PRKDC: variants seen among roughly 807,000 people sequenced by gnomAD.
PRKDC encodes protein kinase, DNA-activated, catalytic subunit, also known as DNA-dependent protein kinase catalytic subunit.
A neutral mutation model predicts 486.9 loss-of-function variants in PRKDC; 82 were observed. The ratio of observed to expected loss-of-function variants is 0.17; its 90% confidence interval spans 0.14 to 0.20. The LOEUF (loss-of-function observed/expected upper bound fraction) is 0.20, where lower values mean the gene tolerates loss of function less well. Ranked by LOEUF, PRKDC falls within the 10% of genes least tolerant of loss-of-function variation. The pLI is 1.00. For synonymous variants in PRKDC, 1,895 were observed against 1,837.0 expected (o/e 1.03, Z -0.81); for missense variants, 4,504 against 5,038.2 (o/e 0.89, Z 3.21).
intron 8 of PRKDC, 29 bp downstream of exon 8, chr8:47,943,945 A>G: frequency 6.4e-7 from 1 of 1,552,626 alleles, no homozygotes; most frequent in South Asian, 1.2e-5. Flanking sequence ...AAGGCATTAG[A>G]ATAATATTAA....
chr8:47,927,693 G>C (rs2090176437), intron 20 of PRKDC, 78 bp downstream of exon 20: 3 of 1,401,992 alleles, frequency 2.1e-6, no homozygotes, highest in Non-Finnish European at 9.3e-7. Context: ...GACTGCCAGG[G>C]CAAGAGGATG....
Position 47,866,208 on chromosome 8 carries a change from T to A in PRKDC, c.5364-1445A>T, listed in dbSNP as rs145738500. On this transcript the variant is annotated intron_variant, in intron 40 of 85. Coordinates refer to ENST00000314191, the MANE Select transcript of PRKDC (RefSeq NM_006904.7). ...GCCCTAGAGAGTTCTTTGCCCCTTCTACCATGGATGACTCAGAGAGAAGGT... is the reference window on the plus strand; with the variant it reads ...GCCCTAGAGAGTTCTTTGCCCCTTCAACCATGGATGACTCAGAGAGAAGGT... 1.4e-4 allele frequency among the ~76,000 whole-genome samples: 21 copies of A among 147,266 alleles called. No homozygotes were observed. In the East Asian group the frequency reaches 4.4e-3, roughly 31 times the overall value.
Position 47,918,288 on chromosome 8 carries a change from T to C in PRKDC, c.2515A>G (p.Asn839Asp). 6.3e-7 allele frequency: 1 copy of C among 1,579,632 alleles called. No individual in the cohort carries two copies. Among genetic ancestry groups the C allele is most frequent in the Non-Finnish European group, 8.6e-7 (1 of 1,160,322 alleles). Residue 839 changes from asparagine (N) to aspartate (D), a missense_variant, in exon 22 of 86, where the codon AAC (asparagine) becomes GAC (aspartate). By Grantham distance (23) the Asn-to-Asp change is conservative. This residue lies in a region of PRKDC where 1,969 missense variants were observed against 2,068.9 expected (regional missense o/e 0.95). Coordinates refer to ENST00000314191, the MANE Select transcript of PRKDC (RefSeq NM_006904.7). Reference sequence around the variant, plus strand: ...AAAGGACTTCTTACTGATGAAAGGTTCTTTGTCTTCTTCAGATGCTTTAAC... The same window carrying C: ...AAAGGACTTCTTACTGATGAAAGGTCCTTTGTCTTCTTCAGATGCTTTAAC... The part of the protein sequence containing the change: ...VVLKHLKKTK[N>D]LSSNEAISLE...
rs544507550 is a variant in PRKDC, at chr8:47,868,555, C to A, written c.5364-3792G>T. Among the ~76,000 whole-genome samples, 5 of 152,056 alleles carry A rather than the reference C, an allele frequency of 3.3e-5. No individual in the cohort carries two copies. In the South Asian group the frequency reaches 1.0e-3, roughly 32 times the overall value. ...CTCCAGTATGGGCAATAGAGCAAGA[C>A]CTTATCTCAAAAATAATAAATGAAT... On this transcript the variant is annotated intron_variant, in intron 40 of 85. Transcript: ENST00000314191.
At position 47,960,039 on chromosome 8, in the gene PRKDC, C is replaced by A; in HGVS notation, c.88G>T (p.Ala30Ser). ...AGGCCGCGGATCAGTTGATGACCGGCCAGGGCAGCACCGCAGCGGTCCGCA... is the reference window on the plus strand; with the variant it reads ...AGGCCGCGGATCAGTTGATGACCGGACAGGGCAGCACCGCAGCGGTCCGCA... The part of the protein sequence containing the change: ...SAADRCGAAL[A>S]GHQLIRGLGQ... Residue 30 changes from alanine (A) to serine (S), a missense_variant, in exon 1 of 86, where the codon GCC becomes TCC. Coordinates refer to ENST00000314191, the MANE Select transcript of PRKDC (RefSeq NM_006904.7). 1 of 1,534,034 alleles carries A rather than the reference C, an allele frequency of 6.5e-7. No homozygotes were observed. The highest frequency in any genetic ancestry group is 8.7e-7 in the Non-Finnish European group (1 of 1,146,556).
At position 47,863,470 on chromosome 8, in the gene PRKDC, T is replaced by A. The variant is rs778673478; in HGVS notation, c.5679A>T (p.Glu1893Asp). Residue 1893 changes from glutamate to aspartate, a missense_variant, in exon 42 of 86, where the codon GAA (glutamate) becomes GAT (aspartate). Glu to Asp is a conservative substitution (Grantham distance 45). This residue lies in a region of PRKDC where 80 missense variants were observed against 132.3 expected (regional missense o/e 0.60). Transcript: ENST00000314191. ...CATGGAAAACTTGATTAATTTTTGA[T>A]TCCTTAGCATGAACATCATCTTTGG... ...RLPKDDVHAKESKINQVFHGS... is the reference protein window; with the variant it reads ...RLPKDDVHAKDSKINQVFHGS... The A allele has an allele frequency of 6.2e-7, 1 of 1,612,382 alleles. No homozygotes were observed. Among genetic ancestry groups the A allele is most frequent in the Non-Finnish European group, 8.5e-7 (1 of 1,179,058 alleles).
chr8:47,774,197 C>G lies in PRKDC; in HGVS notation c.12363G>C (p.Trp4121Cys). The change falls in exon 86 of 86, where the codon TGG (tryptophan) becomes TGC (cysteine). Residue 4121 changes from tryptophan to cysteine, a missense_variant. Coordinates refer to ENST00000314191, the MANE Select transcript of PRKDC (RefSeq NM_006904.7). ...ATDPNILGRTWEGWEPWM is the reference protein window; with the variant it reads ...ATDPNILGRTCEGWEPWM ...CTCACATCCAGGGCTCCCATCCTTC[C>G]CAGGTTCTGCCAAGGATGTTGGGGT... 1 of 1,584,810 alleles carries G rather than the reference C, an allele frequency of 6.3e-7. No homozygotes were observed. Among genetic ancestry groups the G allele is most frequent in the Non-Finnish European group, 8.6e-7 (1 of 1,164,940 alleles).
In PRKDC at chr8:47,959,959, G is replaced by C. The variant is rs771842578; in HGVS notation, c.154+14C>G. 2.2e-5 allele frequency: 33 copies of C among 1,529,236 alleles called. No homozygotes were observed. The highest frequency in any genetic ancestry group is 2.7e-5 in the African/African-American group (2 of 72,852). 94.7% of individuals were successfully genotyped at this position (1,529,236 alleles called of 1,614,324 possible). A position where few individuals can be genotyped will look rare whatever the true frequency, so the allele number is the denominator to read the frequency against. On this transcript the variant is annotated intron_variant, in intron 1 of 85. Transcript: ENST00000314191. Reference sequence around the variant, plus strand: ...CCAGGACCCACCCGCGGCCCAGCTCGGGCCGGTACCCACCCAGCACCGCGG... The same window carrying C: ...CCAGGACCCACCCGCGGCCCAGCTCCGGCCGGTACCCACCCAGCACCGCGG...
rs764041628 is a variant in PRKDC at position 47,933,981 on chromosome 8, C to T, written c.1607G>A (p.Ser536Asn). 101 of 1,612,662 alleles carry T rather than the reference C, an allele frequency of 6.3e-5. No individual in the cohort carries two copies. The highest frequency in any genetic ancestry group is 8.2e-5 in the Non-Finnish European group (97 of 1,179,644). ...AAATGTTACCATCATCTGGTCAGAGCTCAGGAGATGTCTGAAGAGATCCAC... is the reference window on the plus strand; with the variant it reads ...AAATGTTACCATCATCTGGTCAGAGTTCAGGAGATGTCTGAAGAGATCCAC... ...DYVDLFRHLL[S>N]SDQMMDSILA... Residue 536 changes from serine to asparagine, a missense_variant, in exon 15 of 86, where the codon AGC becomes AAC. Ser to Asn is a conservative substitution (Grantham distance 46). This residue lies in a region of PRKDC where 1,969 missense variants were observed against 2,068.9 expected (regional missense o/e 0.95). Coordinates refer to ENST00000314191, the MANE Select transcript of PRKDC (RefSeq NM_006904.7).
chr8:47,899,972 CTAAA>C (rs1294802037), intron 28 of PRKDC, among the ~76,000 whole-genome samples: 1 of 152,236 alleles, frequency 6.6e-6, no homozygotes, highest in Admixed American at 6.5e-5. Flanking sequence ...TTTCTACTTT[CTAAA>C]TGATCACGAG....
At chr8:47,940,474 T>C (rs1563814651) in intron 10 of PRKDC, among the ~76,000 whole-genome samples, 1 of 152,174 alleles carries the variant, frequency 6.6e-6, no homozygotes, top group Non-Finnish European at 1.5e-5. Context: ...ATCCATACAC[T>C]TCCCAATCCC....
intron 26 of PRKDC, among the ~76,000 whole-genome samples, chr8:47,903,986 C>CA (rs1563795624): frequency 6.6e-6 from 1 of 152,170 alleles, no homozygotes; most frequent in Admixed American, 6.5e-5. Context: ...AGATCACACT[C>CA]AGAGTACACT....
chr8:47,843,543 C>A (rs910260834), intron 54 of PRKDC, among the ~76,000 whole-genome samples: 14 of 152,246 alleles, frequency 9.2e-5, no homozygotes, highest in South Asian at 8.3e-4. Context: ...TCAAGAAATT[C>A]ATAGAACCCC....
chr8:47,839,428 T>C (rs150639435), intron 55 of PRKDC, among the ~76,000 whole-genome samples, 182 bp from the exon 56 acceptor site: 21 of 152,292 alleles, frequency 1.4e-4, no homozygotes, highest in African/African-American at 4.8e-4. Context: ...AACCCATCCT[T>C]GCTCCCAGCA....
intron 58 of PRKDC, among the ~76,000 whole-genome samples, chr8:47,835,620 C>CAAAAAAAAAA (rs71548446): frequency 9.8e-5 from 2 of 20,478 alleles, no homozygotes; most frequent in African/African-American, 1.7e-4. Context: ...GACTCTGTCT[C>CAAAAAAAAAA]AAAAAAAAAA....
intron 58 of PRKDC, among the ~76,000 whole-genome samples, chr8:47,834,815 C>T (rs919297831): frequency 3.3e-5 from 5 of 151,572 alleles, no homozygotes; most frequent in Admixed American, 3.3e-4. Flanking sequence ...CTCAGCCTCC[C>T]GAGTAGCTGG....
At chr8:47,928,406 G>A (rs1261904775) in intron 19 of PRKDC, among the ~76,000 whole-genome samples, 2 of 152,028 alleles carry the variant, frequency 1.3e-5, no homozygotes, top group African/African-American at 4.8e-5. Flanking sequence ...ACCCACCTTG[G>A]CCTCCCAAAG....
chr8:47,849,991 T>C (rs1040342777), intron 52 of PRKDC, among the ~76,000 whole-genome samples: 6 of 152,240 alleles, frequency 3.9e-5, no homozygotes, highest in African/African-American at 1.2e-4. Context: ...TGTCTGCTCA[T>C]GTCCTGCCTC....
intron 69 of PRKDC, among the ~76,000 whole-genome samples, chr8:47,805,964 T>TCCCACAAC (rs2087208016): frequency 6.6e-6 from 1 of 152,094 alleles, no homozygotes; most frequent in African/African-American, 2.4e-5. Flanking sequence ...AGCTTACAAC[T>TCCCACAAC]AGCCAGCATG....
Sources: gnomAD v4.1 joint callset for allele counts (sites outside exome capture counted in the v4.1 genomes callset) on GRCh38, gnomAD v4.1.1 for gene constraint, gnomAD v4.1.1 regional missense constraint, MANE v1.5 for transcripts, NCBI Gene and HGNC (gene_info 2026-07-23, HGNC 2026-07-21) for gene names.